SYNE1: variants seen among roughly 807,000 people sequenced by gnomAD.
SYNE1 encodes nesprin-1.
In SYNE1, 616 loss-of-function variants were observed where a neutral mutation model predicts 1,111.0. The observed-to-expected ratio is 0.55, with a 90% confidence interval of 0.52 to 0.59. The LOEUF is 0.59. Ranked by LOEUF, SYNE1 falls within the 20% of genes least tolerant of loss-of-function variation. SYNE1 has a pLI of 0.00. For missense variants in SYNE1, 10,006 were observed against 10,417.0 expected, an observed-to-expected ratio of 0.96 and a Z score of 1.72; for synonymous variants, 3,855 against 3,825.8, an observed-to-expected ratio of 1.01 and a Z score of -0.28.
chr6:152,483,291 G>A, intron 13 of SYNE1, 42 bp from the exon 14 acceptor site: 7 of 1,565,022 alleles, frequency 4.5e-6, no homozygotes, highest in Non-Finnish European at 6.2e-6. Context: ...CTTTAATACA[G>A]ATGGCAATTT....
chr6:152,323,858 A>G, intron 81 of SYNE1, 121 bp from the exon 82 acceptor site: 1 of 1,194,216 alleles, frequency 8.4e-7, no homozygotes, highest in Non-Finnish European at 1.2e-6. Context: ...TATAAATTCC[A>G]CATGTTAGGA....
At chr6:152,316,633 G>C (rs1589915093) in intron 87 of SYNE1, 1 of 580,788 alleles carries the variant, frequency 1.7e-6, no homozygotes, top group Non-Finnish European at 3.0e-6. Flanking sequence ...GGTAGGTTTA[G>C]GGAAGATCAA....
Position 152,143,068 on chromosome 6 carries a change from C to G in SYNE1, c.25119+555G>C, listed in dbSNP as rs149215445. Among the ~76,000 whole-genome samples the G allele has an allele frequency of 6.6e-5, 10 of 152,320 alleles. No homozygotes were observed. In the East Asian group the frequency reaches 1.9e-3, roughly 29 times the overall value. On this transcript the variant is annotated intron_variant, in intron 138 of 145. Transcript: ENST00000367255. ...TAACCCTCTGCTAGACTTTATCATA[C>G]ATAGCCAATAGCCGCATAGATAGAA...
rs566872350 is a variant in SYNE1, at chr6:152,218,179, G to T, written c.22191+78C>A. The T allele has an allele frequency of 3.9e-6, 6 of 1,544,190 alleles. No homozygotes were observed. In the African/African-American group the frequency reaches 8.2e-5, roughly 21 times the overall value. On this transcript the variant is annotated intron_variant, in intron 121 of 145. Transcript: ENST00000367255. The stretch of plus-strand genomic sequence containing the variant: ...GGCACTCCAGCTTGGGCGACAGAGT[G>T]AGACTCCATCTCAAAAAAAAAAAGA...
intron 69 of SYNE1, 131 bp from the exon 70 acceptor site, chr6:152,352,484 C>A: frequency 1.1e-6 from 1 of 911,098 alleles, no homozygotes; most frequent in Non-Finnish European, 1.7e-6. Flanking sequence ...CTCACTGCAA[C>A]TTCCGCCTCC....
At chr6:152,375,712 A>T (rs1056453636) in intron 58 of SYNE1, among the ~76,000 whole-genome samples, 2 of 152,234 alleles carry the variant, frequency 1.3e-5, no homozygotes, top group Admixed American at 1.3e-4. Flanking sequence ...ACAGTAACAA[A>T]TTTACATACC....
intron 9 of SYNE1, among the ~76,000 whole-genome samples, chr6:152,504,878 G>GT (rs2099049384): frequency 6.6e-6 from 1 of 152,148 alleles, no homozygotes; most frequent in Non-Finnish European, 1.5e-5. Flanking sequence ...ATTATATAGA[G>GT]TAATTATATT....
chr6:152,537,212 A>G (rs968344938), intron 4 of SYNE1, among the ~76,000 whole-genome samples: 6 of 152,140 alleles, frequency 3.9e-5, no homozygotes, highest in African/African-American at 1.2e-4. Flanking sequence ...CAACCCGCCA[A>G]TTGTTAATGT....
At chr6:152,509,822 C>A (rs1478430199) in intron 8 of SYNE1, among the ~76,000 whole-genome samples, 1 of 152,024 alleles carries the variant, frequency 6.6e-6, no homozygotes, top group South Asian at 2.1e-4. Flanking sequence ...ACATAATAGT[C>A]TCATGAAGAG....
At chr6:152,375,695 T>C (rs1414841590) in intron 58 of SYNE1, among the ~76,000 whole-genome samples, 1 of 152,226 alleles carries the variant, frequency 6.6e-6, no homozygotes, top group Non-Finnish European at 1.5e-5. Flanking sequence ...TACCCTATTG[T>C]ACACTGACAG....
chr6:152,347,071 G>C lies in SYNE1; in HGVS notation c.12066C>G (p.Ser4022Arg). The C allele has an allele frequency of 6.2e-7, 1 of 1,614,180 alleles. No homozygotes were observed. Among genetic ancestry groups the C allele is most frequent in the Admixed American group, 1.7e-5 (1 of 60,026 alleles). Residue 4022 changes from serine to arginine, a missense_variant, in exon 73 of 146, where the codon AGC becomes AGG. Coordinates refer to ENST00000367255, the MANE Select transcript of SYNE1 (RefSeq NM_182961.4). ...GTKDSYSAIC[S>R]TAQRMYQSLE... ...TGGGGGCACTCACCCTCTGAGCTGTGCTGCAGATCGCTGAGTAGCTGTCCT... is the reference window on the plus strand; with the variant it reads ...TGGGGGCACTCACCCTCTGAGCTGTCCTGCAGATCGCTGAGTAGCTGTCCT...
Position 152,122,214 on chromosome 6 carries a change from C to A in SYNE1, c.*222G>T, listed in dbSNP as rs1302629019. On this transcript the variant is annotated 3_prime_UTR_variant, in exon 146 of 146. Coordinates refer to ENST00000367255, the MANE Select transcript of SYNE1 (RefSeq NM_182961.4). ...AGTGCTAAGGTTCAGAGTCTCAAAC[C>A]AGATTTCTTCCAAACCTTCTTGTTG... 1.0e-5 allele frequency: 7 copies of A among 681,842 alleles called. No homozygotes were observed. The highest frequency in any genetic ancestry group is 1.8e-5 in the African/African-American group (1 of 55,618). The allele number at this position is 681,842 out of a possible 1,614,324, so 42.2% of individuals were successfully genotyped here.
intron 103 of SYNE1, 35 bp downstream of exon 103, chr6:152,255,556 G>A (rs1213172801): frequency 1.2e-6 from 2 of 1,611,774 alleles, no homozygotes; most frequent in Admixed American, 1.7e-5. Flanking sequence ...GCTTTGTAAT[G>A]TTATACACAC....
At chr6:152,308,304 G>T (rs912798861) in intron 91 of SYNE1, among the ~76,000 whole-genome samples, 185 bp downstream of exon 91, 3 of 152,122 alleles carry the variant, frequency 2.0e-5, no homozygotes, top group Admixed American at 1.3e-4. Context: ...CAAGGGGAAC[G>T]CACGTGTTAC....
chr6:152,463,498 G>A lies in SYNE1; in HGVS notation c.1952C>T (p.Pro651Leu), dbSNP rs755665767. The A allele has an allele frequency of 6.2e-7, 1 of 1,613,034 alleles. No individual in the cohort carries two copies. Among genetic ancestry groups the A allele is most frequent in the Admixed American group, 1.7e-5 (1 of 59,882 alleles). The change falls in exon 19 of 146, where the codon CCT becomes CTT. Residue 651 changes from proline (P) to leucine (L), a missense_variant. Physicochemically the swap from Pro to Leu is moderately conservative, Grantham distance 98 (BLOSUM62 -3). Around this residue, in one of 7 missense-constraint regions of SYNE1, gnomAD observed 1,971 missense variants for 2,084.1 expected, o/e 0.95. Transcript: ENST00000367255. The part of the protein sequence containing the change: ...NAKKDFFRNL[P>L]HWIQQHTAMN... ...GGCAGTATGCTGCTGAATCCAATGA[G>A]GTAAATTTCGAAAAAAATCCTAAAC...
At chr6:152,262,366 C>T (rs1425479517) in intron 100 of SYNE1, among the ~76,000 whole-genome samples, 178 bp from the exon 101 acceptor site, 1 of 152,148 alleles carries the variant, frequency 6.6e-6, no homozygotes, top group African/African-American at 2.4e-5. Context: ...TATATTCCTA[C>T]TCATTGATAA....
chr6:152,167,270 A>G (rs1586713924), intron 130 of SYNE1, among the ~76,000 whole-genome samples: 1 of 152,308 alleles, frequency 6.6e-6, no homozygotes, highest in African/African-American at 2.4e-5. Flanking sequence ...ACTTACACAT[A>G]TATGCTTATA....
chr6:152,359,397 G>A lies in SYNE1; in HGVS notation c.10361C>T (p.Ala3454Val). Reference sequence around the variant, plus strand: ...GGTGACATAGTGTTCTGTCATGCCAGCCCCTTTGACTTCGATGGTCTCCAG... The same window carrying A: ...GGTGACATAGTGTTCTGTCATGCCAACCCCTTTGACTTCGATGGTCTCCAG... ...SLLETIEVKG[A>V]GMTEHYVTQL... The change falls in exon 65 of 146, where the codon GCT becomes GTT. Residue 3454 changes from alanine to valine, a missense_variant. By Grantham distance (64) the Ala-to-Val change is moderately conservative. Transcript: ENST00000367255. 6.2e-7 allele frequency: 1 copy of A among 1,614,152 alleles called. No homozygotes were observed. The highest frequency in any genetic ancestry group is 8.5e-7 in the Non-Finnish European group (1 of 1,180,026).
intron 42 of SYNE1, 46 bp from the exon 43 acceptor site, chr6:152,409,755 A>T (rs1208665474): frequency 6.2e-7 from 1 of 1,603,416 alleles, no homozygotes; most frequent in Non-Finnish European, 8.5e-7. Flanking sequence ...ATGTATCAGG[A>T]AAAGGGAGAG....
Sources: allele counts gnomAD v4.1 joint callset (sites outside exome capture counted in the v4.1 genomes callset), GRCh38; gene constraint gnomAD v4.1.1; regional missense constraint gnomAD v4.1.1; transcripts MANE v1.5; gene names NCBI Gene and HGNC (gene_info 2026-07-23, HGNC 2026-07-21).